TCF7L2: variants seen among roughly 807,000 people sequenced by gnomAD.
TCF7L2 encodes transcription factor 7 like 2, also known as transcription factor 7-like 2.
TCF7L2 carries 23 observed loss-of-function variants against 77.9 expected under a neutral mutation model. The observed-to-expected ratio is 0.30, with a 90% confidence interval of 0.21 to 0.42. The LOEUF (loss-of-function observed/expected upper bound fraction) is 0.42. Ranked by LOEUF, TCF7L2 falls within the 10% of genes least tolerant of loss-of-function variation. TCF7L2 has a pLI of 1.00. For synonymous variants in TCF7L2, 413 were observed against 340.2 expected (o/e 1.21, Z -2.36); for missense variants, 654 against 793.1 (o/e 0.82, Z 2.11).
chr10:113,080,833 TGTC>T (rs2059251965), intron 5 of TCF7L2, among the ~76,000 whole-genome samples: 1 of 152,228 alleles, frequency 6.6e-6, no homozygotes, highest in Non-Finnish European at 1.5e-5. Context: ...AGTTTGATGT[TGTC>T]AGGAAACATA....
intron 5 of TCF7L2, among the ~76,000 whole-genome samples, chr10:113,044,262 T>G (rs1307456754): frequency 6.6e-6 from 1 of 152,226 alleles, no homozygotes; most frequent in East Asian, 1.9e-4. Flanking sequence ...TAATGCACGA[T>G]GGGTAGAACT....
At chr10:112,997,355 T>A (rs965826691) in intron 4 of TCF7L2, among the ~76,000 whole-genome samples, 1 of 152,214 alleles carries the variant, frequency 6.6e-6, no homozygotes, top group African/African-American at 2.4e-5. Context: ...AAATTTCAAA[T>A]AACATGAAGG....
At chr10:113,069,570 C>G (rs145684692) in intron 5 of TCF7L2, among the ~76,000 whole-genome samples, 121 of 152,202 alleles carry the variant, frequency 7.9e-4, no homozygotes, top group African/African-American at 2.7e-3. Context: ...GCTTGCCTAA[C>G]CCGTCCAGGA....
At chr10:113,063,898 G>A (rs1447339416) in intron 5 of TCF7L2, among the ~76,000 whole-genome samples, 1 of 134,534 alleles carries the variant, frequency 7.4e-6, no homozygotes, top group Non-Finnish European at 1.7e-5. Context: ...TGTGGCGTGT[G>A]TGTGTGTGTG....
chr10:112,970,574 A>G (rs972494302), intron 4 of TCF7L2, among the ~76,000 whole-genome samples: 6 of 151,906 alleles, frequency 3.9e-5, no homozygotes, highest in African/African-American at 7.3e-5. Context: ...CACAGAGTCT[A>G]TGTCTGTGTC....
intron 4 of TCF7L2, among the ~76,000 whole-genome samples, chr10:113,023,417 A>G (rs1170024918): frequency 1.3e-5 from 2 of 152,216 alleles, no homozygotes; most frequent in African/African-American, 4.8e-5. Context: ...CCCCTTTTCA[A>G]GGGACATGAA....
At chr10:113,095,563 A>G (rs886271365) in intron 5 of TCF7L2, among the ~76,000 whole-genome samples, 1 of 152,228 alleles carries the variant, frequency 6.6e-6, no homozygotes, top group African/African-American at 2.4e-5. Context: ...TTCCCAGTGT[A>G]GAGGGAACAT....
intron 5 of TCF7L2, among the ~76,000 whole-genome samples, chr10:113,068,186 T>C (rs565933669): frequency 7.0e-4 from 107 of 152,294 alleles, no homozygotes; most frequent in African/African-American, 2.6e-3. Flanking sequence ...AACTCTCCTT[T>C]CAAAAAAGTG....
intron 5 of TCF7L2, among the ~76,000 whole-genome samples, chr10:113,045,849 G>A (rs1223369190): frequency 6.6e-6 from 1 of 152,172 alleles, no homozygotes. Context: ...AGCAGCCACT[G>A]AGTCAGAACT....
chr10:112,961,672 C>T (rs2035271052), intron 3 of TCF7L2, among the ~76,000 whole-genome samples: 3 of 152,108 alleles, frequency 2.0e-5, no homozygotes, highest in African/African-American at 7.2e-5. Flanking sequence ...GTTGCAGTAG[C>T]TGGAGGAAGT....
intron 7 of TCF7L2, 29 bp from the exon 8 acceptor site, chr10:113,145,978 TCAAG>T: frequency 7.1e-7 from 1 of 1,406,490 alleles, no homozygotes; most frequent in Non-Finnish European, 1.0e-6. Flanking sequence ...CACCCTTGTT[TCAAG>T]TCTCTTACTT....
At position 113,151,914 on chromosome 10, in the gene TCF7L2, G is replaced by C. The variant is rs750661111; in HGVS notation, c.1161+30G>C. ...GTGACGCCCTTCTCAGGGAGAAGCGGGGGGCGGGTGGTGAGGGACCAGAGT... is the reference window on the plus strand; with the variant it reads ...GTGACGCCCTTCTCAGGGAGAAGCGCGGGGCGGGTGGTGAGGGACCAGAGT... On this transcript the variant is annotated intron_variant, in intron 10 of 13. Coordinates refer to ENST00000627217, the MANE Select transcript of TCF7L2 (RefSeq NM_001146274.2). The surrounding 1 kb of genome is among the most constrained non-coding windows in gnomAD (Gnocchi z 5.2). 6.3e-7 allele frequency: 1 copy of C among 1,577,496 alleles called. No homozygotes were observed. Among genetic ancestry groups the C allele is most frequent in the South Asian group, 1.2e-5 (1 of 83,892 alleles).
intron 4 of TCF7L2, among the ~76,000 whole-genome samples, chr10:113,028,320 G>A (rs1199022982): frequency 6.6e-6 from 1 of 152,100 alleles, no homozygotes; most frequent in Non-Finnish European, 1.5e-5. Context: ...GCATGCAGGG[G>A]GGTCGTGGGG....
chr10:112,958,354 G>C (rs922976493), intron 3 of TCF7L2, among the ~76,000 whole-genome samples: 1 of 152,078 alleles, frequency 6.6e-6, no homozygotes, highest in Non-Finnish European at 1.5e-5. Context: ...GCATTAGCAG[G>C]GCACAGCACA....
At chr10:113,060,529 T>C (rs545205047) in intron 5 of TCF7L2, among the ~76,000 whole-genome samples, 8 of 152,266 alleles carry the variant, frequency 5.3e-5, no homozygotes, top group African/African-American at 1.9e-4. Context: ...AGTAGCTTTC[T>C]TCTCTTGGAG....
At chr10:113,115,495 G>T (rs1032453706) in intron 5 of TCF7L2, among the ~76,000 whole-genome samples, 2 of 151,970 alleles carry the variant, frequency 1.3e-5, no homozygotes, top group African/African-American at 4.8e-5. Flanking sequence ...TCATTTGTTT[G>T]TCATTTAGCC....
chr10:113,088,327 T>C (rs967040441), intron 5 of TCF7L2, among the ~76,000 whole-genome samples: 1 of 152,094 alleles, frequency 6.6e-6, no homozygotes, highest in African/African-American at 2.4e-5. Flanking sequence ...ATATTCCCCC[T>C]CTGCCATTTA....
At chr10:113,118,520 G>GGTGTGTGTGTGTGTGTGT (rs34806588) in intron 5 of TCF7L2, among the ~76,000 whole-genome samples, 9 of 141,438 alleles carry the variant, frequency 6.4e-5, no homozygotes, top group African/African-American at 7.9e-5. Context: ...TCATCTGGGG[G>GGTGTGTGTGTGTGTGTGT]GTGTGTGTGT....
intron 6 of TCF7L2, among the ~76,000 whole-genome samples, chr10:113,143,578 C>T (rs1170599088): frequency 1.3e-5 from 2 of 152,212 alleles, no homozygotes; most frequent in Non-Finnish European, 2.9e-5. Flanking sequence ...CAGGGATTAC[C>T]ATTGCTTCAT....
Sources: gnomAD v4.1 joint callset for allele counts (sites outside exome capture counted in the v4.1 genomes callset) on GRCh38, gnomAD v4.1.1 for gene constraint, Gnocchi (gnomAD v3.1) non-coding constraint, MANE v1.5 for transcripts, NCBI Gene and HGNC (gene_info 2026-07-23, HGNC 2026-07-21) for gene names.